Variants in KLRG1 observed in about 807,000 individuals in gnomAD.
KLRG1 encodes killer cell lectin like receptor G1.
Under a neutral mutation model 21.8 loss-of-function variants are expected in KLRG1, and 16 were observed. The ratio of observed to expected loss-of-function variants is 0.73; its 90% CI spans 0.50 to 1.11. The LOEUF (loss-of-function observed/expected upper bound fraction) is 1.11. Among genes scored for constraint, KLRG1 ranks in the 50% most tolerant of loss-of-function variants. KLRG1 has a pLI of 0.00. For synonymous variants in KLRG1, 69 were observed against 75.9 expected, an observed-to-expected ratio of 0.91 and a Z score of 0.47; for missense variants, 173 against 218.3, an observed-to-expected ratio of 0.79 and a Z score of 1.31.
Position 8,989,819 on chromosome 12 carries a change from A to G in KLRG1, c.82+102A>G, listed in dbSNP as rs878983718. 18 of 700,274 alleles carry G rather than the reference A, an allele frequency of 2.6e-5. No homozygotes were observed. In the South Asian group the frequency reaches 3.0e-4, roughly 12 times the overall value. 43.4% of individuals were successfully genotyped at this position (700,274 alleles called of 1,614,324 possible). A position where few individuals can be genotyped will look rare whatever the true frequency, so the allele number is the denominator to read the frequency against. On this transcript the variant is annotated intron_variant, in intron 1 of 4. Coordinates refer to ENST00000356986, the MANE Select transcript of KLRG1 (RefSeq NM_005810.4). The stretch of plus-strand genomic sequence containing the variant: ...TAAAGCAGAGGGTGCAGAAGAATTG[A>G]GGATAATTTGAGGAAATACTTTTGG...
At chr12:9,165,557 C>A in the KLRG1 span, among the ~76,000 whole-genome samples, 4 of 152,086 alleles carry the variant, frequency 2.6e-5, no homozygotes, top group Admixed American at 2.0e-4. Context: ...CTGAATGGTA[C>A]CTCTCCCCCT....
At chr12:9,079,326 G>A in the KLRG1 span, 1 of 1,613,330 alleles carries the variant, frequency 6.2e-7, no homozygotes, top group Non-Finnish European at 8.5e-7. Flanking sequence ...AACTGTCTCT[G>A]GTAACCTGGA....
At chr12:9,196,905 G>A in the KLRG1 span, 59 of 927,688 alleles carry the variant, frequency 6.4e-5, no homozygotes, top group Admixed American at 6.5e-4. Flanking sequence ...TTTTGGTGGG[G>A]GATATTTTGC....
At chr12:9,186,072 C>T in the KLRG1 span, among the ~76,000 whole-genome samples, 1 of 151,998 alleles carries the variant, frequency 6.6e-6, no homozygotes, top group East Asian at 1.9e-4. Flanking sequence ...CCCCAAAGTG[C>T]TGGGATTACA....
intron 1 of KLRG1, among the ~76,000 whole-genome samples, chr12:8,976,086 G>T (rs1385391193): frequency 6.6e-6 from 1 of 151,716 alleles, no homozygotes; most frequent in Admixed American, 6.6e-5. Flanking sequence ...TTTTCTTTTT[G>T]AATGTAGATG....
At chr12:9,196,424 G>C in the KLRG1 span, 1 of 1,611,932 alleles carries the variant, frequency 6.2e-7, no homozygotes, top group East Asian at 2.2e-5. Flanking sequence ...GATCCTGTTT[G>C]CAGTGACTTC....
chr12:9,170,956 G>C, the KLRG1 span, among the ~76,000 whole-genome samples: 7 of 152,174 alleles, frequency 4.6e-5, no homozygotes, highest in African/African-American at 1.7e-4. This position sits in a 1 kb window ranked among gnomAD's most constrained non-coding sequence, Gnocchi z 4.6. Context: ...TCCAGGTGAG[G>C]AAGGATCCCA....
At chr12:9,176,886 C>T in the KLRG1 span, among the ~76,000 whole-genome samples, 4 of 152,108 alleles carry the variant, frequency 2.6e-5, no homozygotes, top group African/African-American at 9.7e-5. Context: ...AGGTATTGTA[C>T]CTGAGGAATC....
the KLRG1 span, among the ~76,000 whole-genome samples, chr12:9,184,773 G>A: frequency 6.6e-6 from 1 of 152,180 alleles, no homozygotes; most frequent in Non-Finnish European, 1.5e-5. Context: ...GTTCCCCAGA[G>A]TTACAGCATG....
intron 2 of KLRG1, among the ~76,000 whole-genome samples, chr12:8,992,575 T>A (rs1947005612): frequency 6.6e-6 from 1 of 152,186 alleles, no homozygotes; most frequent in African/African-American, 2.4e-5. Context: ...CAGCGGATCC[T>A]GTGCCACTGT....
At chr12:8,990,877 A>T (rs959418456) in intron 1 of KLRG1, among the ~76,000 whole-genome samples, 1 of 152,212 alleles carries the variant, frequency 6.6e-6, no homozygotes, top group Admixed American at 6.5e-5. Context: ...GTATTTCATT[A>T]AATGTTCTCC....
At chr12:9,201,473 CAG>C in the KLRG1 span, 3 of 691,966 alleles carry the variant, frequency 4.3e-6, no homozygotes, top group Non-Finnish European at 4.9e-6. Flanking sequence ...AGAAACATAA[CAG>C]AACTGGAAAA....
the KLRG1 span, among the ~76,000 whole-genome samples, chr12:9,200,688 T>A: frequency 6.6e-6 from 1 of 152,178 alleles, no homozygotes; most frequent in Admixed American, 6.5e-5. Flanking sequence ...ACAAGAAGTT[T>A]CATACTTGGC....
upstream of KLRG1, among the ~76,000 whole-genome samples, chr12:8,985,976 G>A (rs1162552467): frequency 1.3e-5 from 2 of 152,116 alleles, no homozygotes; most frequent in Non-Finnish European, 2.9e-5. Context: ...ATGAAAGGAG[G>A]GCAGAAGAAG....
At chr12:9,087,717 C>A in the KLRG1 span, among the ~76,000 whole-genome samples, 2 of 152,040 alleles carry the variant, frequency 1.3e-5, no homozygotes, top group African/African-American at 4.8e-5. Context: ...ACATTTTATT[C>A]ATAAATCATA....
chr12:9,139,976 C>G, the KLRG1 span, among the ~76,000 whole-genome samples: 1 of 152,128 alleles, frequency 6.6e-6, no homozygotes, highest in Non-Finnish European at 1.5e-5. Flanking sequence ...TGGAATGTCT[C>G]TGGTCAGAGG....
chr12:9,156,332 A>G, the KLRG1 span: 2 of 207,084 alleles, frequency 9.7e-6, no homozygotes, highest in South Asian at 1.0e-4. Flanking sequence ...CCTACTGACC[A>G]TCTTCCCCTC....
the KLRG1 span, chr12:9,077,752 C>G: frequency 1.2e-6 from 2 of 1,614,172 alleles, no homozygotes; most frequent in South Asian, 2.2e-5. Context: ...AGCCATTGTC[C>G]TTCTGCCTCT....
At chr12:8,986,999 T>G (rs1257668280), upstream of KLRG1, among the ~76,000 whole-genome samples, 2 of 152,220 alleles carry the variant, frequency 1.3e-5, no homozygotes, top group African/African-American at 4.8e-5. Flanking sequence ...CAGAAGCAGA[T>G]GCCACTATGC....
Sources: allele counts gnomAD v4.1 joint callset (sites outside exome capture counted in the v4.1 genomes callset), GRCh38; gene constraint gnomAD v4.1.1; non-coding constraint Gnocchi (gnomAD v3.1); transcripts MANE v1.5; gene names NCBI Gene and HGNC (gene_info 2026-07-23, HGNC 2026-07-21).